Variants in PIK3C2G observed in about 807,000 individuals in gnomAD.
PIK3C2G encodes phosphatidylinositol 3-kinase C2 domain-containing subunit gamma.
Under a neutral mutation model 181.1 loss-of-function variants are expected in PIK3C2G, and 168 were observed. That is an observed-to-expected ratio of 0.93 (90% CI 0.82 to 1.05). The LOEUF is 1.05. Among genes scored for constraint, PIK3C2G ranks in the 50% least tolerant of loss-of-function variants. PIK3C2G has a pLI of 0.00. For synonymous variants in PIK3C2G, 573 were observed against 592.2 expected, an observed-to-expected ratio of 0.97 and a Z score of 0.47; for missense variants, 1,869 against 1,732.8, an observed-to-expected ratio of 1.08 and a Z score of -1.40.
chr12:18,262,397 G>A (rs142419774), intron 1 of PIK3C2G, among the ~76,000 whole-genome samples: 1 of 152,154 alleles, frequency 6.6e-6, no homozygotes, highest in Non-Finnish European at 1.5e-5. Flanking sequence ...AGAGAGCGAG[G>A]TTAAAGAACA....
At chr12:18,243,489 C>G (rs534292660), upstream of PIK3C2G, among the ~76,000 whole-genome samples, 4 of 151,822 alleles carry the variant, frequency 2.6e-5, no homozygotes, top group Non-Finnish European at 5.9e-5. Flanking sequence ...AATTCAAATT[C>G]AAAGAAAACA....
the PIK3C2G span, among the ~76,000 whole-genome samples, chr12:18,688,610 A>T: frequency 0.088 from 13,348 of 151,848 alleles, 691 homozygotes; most frequent in African/African-American, 0.14. Context: ...ATTACTTTTT[A>T]AAAAATGTAC....
chr12:18,485,482 C>A (rs1463676685), intron 18 of PIK3C2G, among the ~76,000 whole-genome samples: 1 of 152,190 alleles, frequency 6.6e-6, no homozygotes, highest in Non-Finnish European at 1.5e-5. Context: ...TTTCCCTCTT[C>A]CTTACCGCCT....
At chr12:18,614,170 C>T (rs1438021319) in intron 31 of PIK3C2G, among the ~76,000 whole-genome samples, 1 of 151,762 alleles carries the variant, frequency 6.6e-6, no homozygotes, top group African/African-American at 2.4e-5. Flanking sequence ...TGTGTTTTTC[C>T]TTCATTCCGT....
chr12:18,299,626 TAAAG>T (rs1565571539), intron 5 of PIK3C2G, among the ~76,000 whole-genome samples: 2 of 152,142 alleles, frequency 1.3e-5, no homozygotes, highest in East Asian at 3.9e-4. Flanking sequence ...TTCTAGTTCT[TAAAG>T]AAAAGACTTT....
chr12:18,631,707 G>A (rs889453761), intron 31 of PIK3C2G, among the ~76,000 whole-genome samples: 7 of 152,142 alleles, frequency 4.6e-5, no homozygotes, highest in African/African-American at 1.7e-4. Flanking sequence ...GAAGGTGTTC[G>A]ATCTTGGTAC....
chr12:18,327,445 A>G (rs1951396073), intron 8 of PIK3C2G, among the ~76,000 whole-genome samples: 1 of 152,112 alleles, frequency 6.6e-6, no homozygotes, highest in Non-Finnish European at 1.5e-5. Flanking sequence ...TAAGTCAGAC[A>G]TGAATATTAT....
chr12:18,517,031 CTT>C (rs3983627), intron 24 of PIK3C2G, among the ~76,000 whole-genome samples: 11 of 139,688 alleles, frequency 7.9e-5, no homozygotes, highest in Admixed American at 2.2e-4. Context: ...TTTGCTTTTC[CTT>C]TTTTTTTTTT....
intron 24 of PIK3C2G, among the ~76,000 whole-genome samples, chr12:18,526,719 C>A (rs1367107544): frequency 1.3e-5 from 2 of 152,044 alleles, no homozygotes; most frequent in Non-Finnish European, 2.9e-5. Flanking sequence ...GTCACAGAGC[C>A]ATTCCTAGGC....
intron 31 of PIK3C2G, among the ~76,000 whole-genome samples, chr12:18,628,883 A>C (rs1027296308): frequency 6.6e-6 from 1 of 152,226 alleles, no homozygotes; most frequent in Middle Eastern, 3.4e-3. Flanking sequence ...TTTGAGCCAG[A>C]GAGTTGGAAG....
intron 11 of PIK3C2G, among the ~76,000 whole-genome samples, chr12:18,356,215 T>G (rs1348763296): frequency 1.3e-5 from 2 of 152,174 alleles, no homozygotes; most frequent in African/African-American, 4.8e-5. Flanking sequence ...CAAGGAGAGA[T>G]AAATCCACAT....
intron 30 of PIK3C2G, among the ~76,000 whole-genome samples, chr12:18,602,189 G>A (rs185408683): frequency 6.6e-6 from 1 of 152,206 alleles, no homozygotes; most frequent in African/African-American, 2.4e-5. Context: ...ACTGTTGCAG[G>A]GGGGCACGGT....
At chr12:18,494,973 GA>G (rs1324361126) in intron 20 of PIK3C2G, among the ~76,000 whole-genome samples, 2 of 151,382 alleles carry the variant, frequency 1.3e-5, no homozygotes, top group Non-Finnish European at 2.9e-5. Flanking sequence ...ATTGAAAGTA[GA>G]AAATATCTAT....
Position 18,399,642 on chromosome 12 carries a change from C to A in PIK3C2G, c.2127-17C>A. ...AGCAAACTCCAGTAAATTACAGTTT[C>A]CAATCTGGTTTTTCAGACTCTCTGA... On this transcript the variant is annotated splice_polypyrimidine_tract_variant and intron_variant, in intron 15 of 32. Transcript: ENST00000538779. The A allele has an allele frequency of 6.6e-7, 1 of 1,506,386 alleles. No individual in the cohort carries two copies. The highest frequency in any genetic ancestry group is 1.3e-5 in the South Asian group (1 of 77,108). The allele number at this position is 1,506,386 out of a possible 1,614,324, so 93.3% of individuals were successfully genotyped here. A position where few individuals can be genotyped will look rare whatever the true frequency, so the allele number is the denominator to read the frequency against.
At chr12:18,488,201 GAT>G (rs1940235670) in intron 18 of PIK3C2G, among the ~76,000 whole-genome samples, 2 of 152,088 alleles carry the variant, frequency 1.3e-5, no homozygotes, top group Non-Finnish European at 2.9e-5. Flanking sequence ...AAGGAGAAAA[GAT>G]GTGTTATGAA....
the PIK3C2G span, among the ~76,000 whole-genome samples, chr12:18,717,613 G>C: frequency 6.6e-6 from 1 of 152,092 alleles, no homozygotes; most frequent in Non-Finnish European, 1.5e-5. Flanking sequence ...AACTTAGCAT[G>C]GAAACCACAG....
At chr12:18,406,231 C>G (rs1944521356) in intron 16 of PIK3C2G, among the ~76,000 whole-genome samples, 1 of 152,164 alleles carries the variant, frequency 6.6e-6, no homozygotes, top group South Asian at 2.1e-4. Context: ...TAAGGATGAA[C>G]AGTATTACAT....
chr12:18,389,219 G>C (rs905469424), intron 14 of PIK3C2G, among the ~76,000 whole-genome samples: 4 of 152,080 alleles, frequency 2.6e-5, no homozygotes, highest in Non-Finnish European at 5.9e-5. Flanking sequence ...TGGGTGTGGT[G>C]GTGGGCACCT....
chr12:18,511,353 T>G (rs560546122), intron 24 of PIK3C2G, among the ~76,000 whole-genome samples: 1 of 152,254 alleles, frequency 6.6e-6, no homozygotes, highest in African/African-American at 2.4e-5. Context: ...AGGAGCGAGA[T>G]TATTCGGTCA....
Sources: allele counts gnomAD v4.1 joint callset (sites outside exome capture counted in the v4.1 genomes callset), GRCh38; gene constraint gnomAD v4.1.1; transcripts MANE v1.5; gene names NCBI Gene and HGNC (gene_info 2026-07-23, HGNC 2026-07-21).